The following MILR1 variants were observed in gnomAD, a reference collection of about 807,000 sequenced individuals.
MILR1 encodes allergin-1.
A neutral mutation model predicts 18.5 loss-of-function variants in MILR1; 31 were observed. The observed-to-expected ratio is 1.68, with a 90% CI of 1.26 to 2.26. The LOEUF (loss-of-function observed/expected upper bound fraction) is 2.26. Among genes scored for constraint, MILR1 ranks in the 30% most tolerant of loss-of-function variants. MILR1 has a pLI of 0.00. For synonymous variants in MILR1, 85 were observed against 56.2 expected (o/e 1.51, Z -2.30); for missense variants, 257 against 157.4 (o/e 1.63, Z -3.38).
chr17:64,480,495 G>A, the MILR1 span: 2 of 549,960 alleles, frequency 3.6e-6, no homozygotes. Flanking sequence ...CTCTAAAATG[G>A]GTATGTTTCT....
chr17:64,475,367 G>C, the MILR1 span, among the ~76,000 whole-genome samples: 1 of 151,870 alleles, frequency 6.6e-6, no homozygotes, highest in Non-Finnish European at 1.5e-5. Context: ...TCTAGCAAAC[G>C]GCCGGGTGCG....
At chr17:64,467,988 T>A (rs1555663819) in intron 9 of MILR1, 2 of 293,046 alleles carry the variant, frequency 6.8e-6, no homozygotes, top group Non-Finnish European at 6.7e-6. Context: ...TGTTCATGAT[T>A]TAGCTAGCCC....
the MILR1 span, among the ~76,000 whole-genome samples, chr17:64,478,502 A>G: frequency 1.3e-5 from 2 of 152,218 alleles, no homozygotes; most frequent in Admixed American, 6.5e-5. Context: ...ACCAAGTCAC[A>G]CTATCTCATT....
chr17:64,483,963 C>T, the MILR1 span: 1 of 152,216 alleles, frequency 6.6e-6, no homozygotes, highest in African/African-American at 2.4e-5. Flanking sequence ...GATCCACCCA[C>T]CTTGGCTTCC....
the MILR1 span, chr17:64,490,892 G>A: frequency 1.9e-6 from 3 of 1,613,660 alleles, no homozygotes; most frequent in East Asian, 4.5e-5. Context: ...AGGGAAAATT[G>A]TAGTAAAGTT....
At chr17:64,453,408 CAA>C (rs1449614203) in intron 3 of MILR1, among the ~76,000 whole-genome samples, 1 of 152,004 alleles carries the variant, frequency 6.6e-6, no homozygotes, top group Non-Finnish European at 1.5e-5. Flanking sequence ...CCTTCTCTTT[CAA>C]AGACTTTCGA....
the MILR1 span, among the ~76,000 whole-genome samples, chr17:64,492,482 G>A: frequency 6.6e-6 from 1 of 152,084 alleles, no homozygotes; most frequent in African/African-American, 2.4e-5. Flanking sequence ...CCCAACAAAT[G>A]TTTTTACCAA....
the MILR1 span, among the ~76,000 whole-genome samples, chr17:64,493,652 T>C: frequency 1.3e-5 from 2 of 151,954 alleles, no homozygotes; most frequent in Non-Finnish European, 2.9e-5. Flanking sequence ...GCCCGGCTAA[T>C]TTTTTCTGTA....
Position 64,457,498 on chromosome 17 carries a change from A to C in MILR1, c.466A>C (p.Ile156Leu). 1 of 475,424 alleles carries C rather than the reference A, an allele frequency of 2.1e-6. No homozygotes were observed. Among genetic ancestry groups the C allele is most frequent in the Non-Finnish European group, 3.9e-6 (1 of 259,054 alleles). The allele number at this position is 475,424 out of a possible 1,614,324, so 29.5% of individuals were successfully genotyped here. A position where few individuals can be genotyped will look rare whatever the true frequency, so the allele number is the denominator to read the frequency against. ...CCTCTCAGTCAATGGCTCGCTGCCC[A>C]TCAATTACACTTTCTTTGAAAACCA... Reference protein sequence around the residue: ...HCLSVNGSLPINYTFFENHVA... With the variant: ...HCLSVNGSLPLNYTFFENHVA... Residue 156 changes from isoleucine to leucine, a missense_variant, in exon 4 of 10, where the codon ATC becomes CTC. Ile to Leu is a conservative substitution (Grantham distance 5). Coordinates refer to ENST00000619286, the MANE Select transcript of MILR1 (RefSeq NM_001085423.2).
intron 5 of MILR1, among the ~76,000 whole-genome samples, chr17:64,464,668 C>G (rs1227805165): frequency 6.6e-6 from 1 of 152,198 alleles, no homozygotes; most frequent in East Asian, 1.9e-4. Context: ...TGGCCGGGCA[C>G]AGTGGCTCAT....
chr17:64,469,150 GAGAAA>G (rs1555664091), downstream of MILR1, among the ~76,000 whole-genome samples: 14 of 150,958 alleles, frequency 9.3e-5, no homozygotes, highest in Non-Finnish European at 1.5e-5. Flanking sequence ...GAAGGAAAGA[GAGAAA>G]AGAAGAGAAA....
chr17:64,459,975 A>ATTTTT (rs58757286), intron 4 of MILR1, among the ~76,000 whole-genome samples: 7 of 138,412 alleles, frequency 5.1e-5, no homozygotes, highest in African/African-American at 1.8e-4. Flanking sequence ...AAACTTTATT[A>ATTTTT]TTTTTATTTT....
At chr17:64,459,955 A>G (rs1311923873) in intron 4 of MILR1, among the ~76,000 whole-genome samples, 1 of 151,252 alleles carries the variant, frequency 6.6e-6, no homozygotes, top group Non-Finnish European at 1.5e-5. Context: ...GTGCTTGGTC[A>G]TGACTTTTTA....
intron 4 of MILR1, among the ~76,000 whole-genome samples, chr17:64,458,175 C>CTCCTTCCTTCCTTCCTTCTT (rs1225678749): frequency 1.2e-4 from 17 of 137,544 alleles, no homozygotes; most frequent in Non-Finnish European, 2.4e-4. Context: ...CCTTCCTTCC[C>CTCCTTCCTTCCTTCCTTCTT]TCCTTCCTTC....
chr17:64,491,765 C>T, the MILR1 span: 705 of 671,156 alleles, frequency 1.1e-3, 3 homozygotes, highest in African/African-American at 0.011. Flanking sequence ...AGCTCAAGCA[C>T]GAGCGGCTAT....
At chr17:64,496,077 A>T in the MILR1 span, among the ~76,000 whole-genome samples, 1 of 152,220 alleles carries the variant, frequency 6.6e-6, no homozygotes, top group Non-Finnish European at 1.5e-5. Flanking sequence ...CTTAGAATAA[A>T]TCTAAGAAAA....
At chr17:64,463,927 G>A (rs924381825) in intron 5 of MILR1, among the ~76,000 whole-genome samples, 23 of 149,662 alleles carry the variant, frequency 1.5e-4, no homozygotes, top group East Asian at 7.9e-4. Context: ...AGGTTCAAGC[G>A]TTTCTCCTGC....
chr17:64,472,465 C>CAAAAAAAAAAA (rs71158332), downstream of MILR1, among the ~76,000 whole-genome samples: 47 of 13,926 alleles, frequency 3.4e-3, 2 homozygotes, highest in East Asian at 4.5e-3. Context: ...GACTCCATCT[C>CAAAAAAAAAAA]AAAAAAAAAA....
intron 4 of MILR1, among the ~76,000 whole-genome samples, chr17:64,460,542 C>T (rs9902012): frequency 3.9e-5 from 6 of 152,042 alleles, no homozygotes; most frequent in Admixed American, 6.6e-5. Context: ...AACAGGGCCT[C>T]ACTATGTTGC....
Sources: gnomAD v4.1 joint callset for allele counts (sites outside exome capture counted in the v4.1 genomes callset) on GRCh38, gnomAD v4.1.1 for gene constraint, MANE v1.5 for transcripts, NCBI Gene and HGNC (gene_info 2026-07-23, HGNC 2026-07-21) for gene names.